Variants in FOXN3 observed in about 807,000 individuals in gnomAD.
FOXN3 encodes forkhead box N3, also known as forkhead box protein N3.
In FOXN3, 7 loss-of-function variants were observed where a neutral mutation model predicts 38.4. That is an observed-to-expected ratio of 0.18 (90% CI 0.10 to 0.34). FOXN3 has a LOEUF of 0.34. Among genes scored for constraint, FOXN3 ranks in the 10% least tolerant of loss-of-function variants. The pLI is 1.00. For missense variants in FOXN3, 456 were observed against 613.4 expected (o/e 0.74, Z 2.71); for synonymous variants, 230 against 242.2 (o/e 0.95, Z 0.47).
intron 1 of FOXN3, among the ~76,000 whole-genome samples, chr14:89,448,940 G>A (rs1256144050): frequency 8.3e-6 from 1 of 119,918 alleles, no homozygotes; most frequent in African/African-American, 3.1e-5. Flanking sequence ...CAAGAACACT[G>A]TCTCAAAAAA....
chr14:89,165,339 TGTCCTGAGCACA>T (rs1362296060), intron 5 of FOXN3, among the ~76,000 whole-genome samples: 1 of 152,224 alleles, frequency 6.6e-6, no homozygotes, highest in Non-Finnish European at 1.5e-5. Context: ...TTAAATGAAC[TGTCCTGAGCACA>T]GAGCAAGGCT....
intron 5 of FOXN3, among the ~76,000 whole-genome samples, chr14:89,172,644 AT>A (rs1436114027): frequency 6.6e-6 from 1 of 152,220 alleles, no homozygotes; most frequent in African/African-American, 2.4e-5. Flanking sequence ...ACACTGTGGT[AT>A]TGCCATGGTA....
At chr14:89,613,414 G>A (rs1009796106) in intron 1 of FOXN3, among the ~76,000 whole-genome samples, 2 of 152,198 alleles carry the variant, frequency 1.3e-5, no homozygotes, top group African/African-American at 4.8e-5. Flanking sequence ...TACACCCTGG[G>A]ACGGTTCTGT....
intron 1 of FOXN3, among the ~76,000 whole-genome samples, chr14:89,452,191 T>C (rs1290755017): frequency 6.6e-6 from 1 of 152,072 alleles, no homozygotes; most frequent in African/African-American, 2.4e-5. Context: ...GTAGTCAGGG[T>C]GTATCCTACG....
At chr14:89,217,092 C>T (rs181474696) in intron 4 of FOXN3, among the ~76,000 whole-genome samples, 2 of 152,222 alleles carry the variant, frequency 1.3e-5, no homozygotes, top group East Asian at 3.9e-4. Context: ...AAAAAAGAAA[C>T]AGTTGTTTTA....
At chr14:89,430,708 C>T (rs1231592733) in intron 1 of FOXN3, among the ~76,000 whole-genome samples, 1 of 152,146 alleles carries the variant, frequency 6.6e-6, no homozygotes, top group African/African-American at 2.4e-5. Context: ...TAAGTACTTC[C>T]GTTAGCTCTT....
chr14:89,293,217 C>T (rs1318379171), intron 3 of FOXN3, among the ~76,000 whole-genome samples: 1 of 152,244 alleles, frequency 6.6e-6, no homozygotes, highest in Non-Finnish European at 1.5e-5. Context: ...CTAGCTCCCA[C>T]ATCCGCTCAA....
At chr14:89,184,827 T>C (rs1887762775) in intron 4 of FOXN3, among the ~76,000 whole-genome samples, 1 of 152,220 alleles carries the variant, frequency 6.6e-6, no homozygotes, top group African/African-American at 2.4e-5. Flanking sequence ...CCTTCTGCCA[T>C]CCTATATCAC....
chr14:89,537,338 T>C (rs1244971525), intron 1 of FOXN3, among the ~76,000 whole-genome samples: 22 of 152,014 alleles, frequency 1.4e-4, no homozygotes, highest in Admixed American at 1.4e-3. Context: ...GACTGATGGA[T>C]GCATGGATGG....
intron 1 of FOXN3, among the ~76,000 whole-genome samples, chr14:89,549,197 CAT>C (rs992018411): frequency 4.7e-5 from 7 of 148,944 alleles, no homozygotes; most frequent in South Asian, 4.3e-4. Context: ...AATTCTTACT[CAT>C]GTGTTGTTTG....
chr14:89,489,903 G>T (rs972393055), intron 1 of FOXN3, among the ~76,000 whole-genome samples: 52 of 152,214 alleles, frequency 3.4e-4, no homozygotes, highest in African/African-American at 1.2e-3. Context: ...GAGACAGCTT[G>T]CTCCTATGTC....
At chr14:89,301,562 G>A (rs1172737982) in intron 3 of FOXN3, among the ~76,000 whole-genome samples, 1 of 152,086 alleles carries the variant, frequency 6.6e-6, no homozygotes, top group East Asian at 1.9e-4. Flanking sequence ...GAGGTCAGGA[G>A]TTCAAGACCA....
intron 1 of FOXN3, among the ~76,000 whole-genome samples, chr14:89,604,027 A>C (rs1896214587): frequency 6.6e-6 from 1 of 152,246 alleles, no homozygotes; most frequent in South Asian, 2.1e-4. Context: ...GGACAAACTG[A>C]TTACCTGTTT....
intron 2 of FOXN3, among the ~76,000 whole-genome samples, chr14:89,390,212 T>A (rs1455154863): frequency 6.9e-6 from 1 of 144,652 alleles, no homozygotes. Context: ...AATGACAGAG[T>A]GAGACTCCCT....
chr14:89,208,641 C>A (rs1888447080), intron 4 of FOXN3, among the ~76,000 whole-genome samples: 1 of 152,170 alleles, frequency 6.6e-6, no homozygotes, highest in Non-Finnish European at 1.5e-5. Flanking sequence ...ACAGCCCAAA[C>A]CATTATATAG....
At chr14:89,404,659 C>T (rs576901724) in intron 2 of FOXN3, among the ~76,000 whole-genome samples, 1 of 152,018 alleles carries the variant, frequency 6.6e-6, no homozygotes, top group Non-Finnish European at 1.5e-5. Context: ...CTGGTAAACT[C>T]TCAACCTTCT....
In FOXN3 at chr14:89,492,435, G is replaced by A. The variant is rs151294871; in HGVS notation, c.-14-79945C>T. 1.4e-4 allele frequency among the ~76,000 whole-genome samples: 21 copies of A among 150,950 alleles called. No individual in the cohort carries two copies. In the East Asian group the frequency reaches 3.3e-3, roughly 24 times the overall value. The stretch of plus-strand genomic sequence containing the variant: ...GTCCTCTGAGAATGGAGCTGCCTTC[G>A]GTATGAGCCACCATTAAAAAGTTTC... On this transcript the variant is annotated intron_variant, in intron 1 of 6. Coordinates refer to the FOXN3 transcript ENST00000345097.
At chr14:89,310,317 A>G (rs1031253789) in intron 3 of FOXN3, among the ~76,000 whole-genome samples, 3 of 152,228 alleles carry the variant, frequency 2.0e-5, no homozygotes, top group African/African-American at 7.2e-5. Flanking sequence ...GAGGCGACAG[A>G]GTGCCTAAGA....
chr14:89,511,184 T>TC (rs1291192335), intron 1 of FOXN3, among the ~76,000 whole-genome samples: 1 of 24,272 alleles, frequency 4.1e-5, no homozygotes, highest in Non-Finnish European at 2.4e-4. Flanking sequence ...TTTCTTTCTT[T>TC]CTTTCTTTTC....
Sources: gnomAD v4.1 joint callset for allele counts (sites outside exome capture counted in the v4.1 genomes callset) on GRCh38, gnomAD v4.1.1 for gene constraint, MANE v1.5 for transcripts, NCBI Gene and HGNC (gene_info 2026-07-23, HGNC 2026-07-21) for gene names.